The following UPP1 variants were observed in gnomAD, a reference collection of about 807,000 sequenced individuals.
UPP1 encodes the protein UPase 1.
Under a neutral mutation model 29.6 loss-of-function variants are expected in UPP1, and 25 were observed. The ratio of observed to expected loss-of-function variants is 0.85; its 90% CI spans 0.62 to 1.18. The LOEUF (loss-of-function observed/expected upper bound fraction) is 1.18. Ranked by LOEUF, UPP1 falls within the 50% of genes most tolerant of loss-of-function variation. The pLI is 0.00. For missense variants in UPP1, 368 were observed against 410.4 expected (o/e 0.90, Z 0.89); for synonymous variants, 165 against 159.8 (o/e 1.03, Z -0.25).
intron 5 of UPP1, among the ~76,000 whole-genome samples, chr7:48,102,364 C>T (rs1231499603): frequency 6.6e-6 from 1 of 152,168 alleles, no homozygotes; most frequent in East Asian, 1.9e-4. Flanking sequence ...CAGTGAGTTA[C>T]TTCAAAACAC....
chr7:48,088,791 C>G (rs1791649040), upstream of UPP1: 2 of 152,662 alleles, frequency 1.3e-5, no homozygotes, highest in Admixed American at 6.5e-5. Context: ...GCTGTCATTT[C>G]TCTCCGCTGG....
chr7:48,099,601 C>T (rs1028222692), intron 3 of UPP1, 69 bp from the exon 4 acceptor site: 2 of 1,128,920 alleles, frequency 1.8e-6, no homozygotes, highest in East Asian at 4.7e-5. Flanking sequence ...ACATAGGCCA[C>T]TTCTGTGATA....
chr7:48,095,657 T>C (rs1209513479), intron 3 of UPP1, among the ~76,000 whole-genome samples: 2 of 152,146 alleles, frequency 1.3e-5, no homozygotes, highest in African/African-American at 2.4e-5. Context: ...GATTTTTTTT[T>C]TTTGAGATGG....
At chr7:48,094,559 CCT>C (rs2128809459) in intron 2 of UPP1, among the ~76,000 whole-genome samples, 1 of 152,328 alleles carries the variant, frequency 6.6e-6, no homozygotes, top group East Asian at 1.9e-4. Flanking sequence ...TTCAGCACCT[CCT>C]CTCTGAAACT....
intron 6 of UPP1, chr7:48,105,600 A>C (rs1355868750): frequency 1.3e-5 from 2 of 152,354 alleles, no homozygotes; most frequent in East Asian, 3.8e-4. Context: ...GCTTATAAAC[A>C]ATAGGAATTT....
Position 48,101,880 on chromosome 7 carries a change from T to G in UPP1, c.219T>G (p.Gly73=). 6.2e-7 allele frequency: 1 copy of G among 1,614,048 alleles called. No homozygotes were observed. Among genetic ancestry groups the G allele is most frequent in the South Asian group, 1.1e-5 (1 of 91,082 alleles). ...TGAAAGCCTTCATCAGGTGCGTTGG[T>G]GCAGAGCTGGGCCTTGACTGCCCAG... ...SRMKAFIRCV[G]AELGLDCPGR... is the part of the protein sequence containing the mutation. Residue 73 remains glycine (G), a synonymous_variant, in exon 5 of 9, where the codon GGT becomes GGG. Coordinates refer to ENST00000395564, the MANE Select transcript of UPP1 (RefSeq NM_003364.4).
intron 2 of UPP1, among the ~76,000 whole-genome samples, chr7:48,091,382 C>G (rs531518656): frequency 5.3e-5 from 8 of 151,182 alleles, no homozygotes; most frequent in African/African-American, 1.9e-4. Flanking sequence ...GGAGCCAAAT[C>G]CTAAGCCAGG....
chr7:48,107,195 T>C, intron 7 of UPP1, 113 bp downstream of exon 7: 1 of 1,446,542 alleles, frequency 6.9e-7, no homozygotes, highest in Non-Finnish European at 9.5e-7. Flanking sequence ...GCTGTCTCAG[T>C]TACACTTCGC....
chr7:48,106,840 C>T, intron 6 of UPP1, 33 bp from the exon 7 acceptor site: 2 of 1,607,266 alleles, frequency 1.2e-6, no homozygotes, highest in South Asian at 2.2e-5. Context: ...TGTTTTACAC[C>T]CTGCATATCT....
chr7:48,096,756 G>A (rs572929564), intron 3 of UPP1, among the ~76,000 whole-genome samples: 178 of 152,078 alleles, frequency 1.2e-3, no homozygotes, highest in African/African-American at 1.4e-3. Context: ...CTGGAGTGCC[G>A]AGGTGTGATC....
intron 8 of UPP1, 70 bp downstream of exon 8, chr7:48,107,577 G>A: frequency 6.6e-7 from 1 of 1,513,532 alleles, no homozygotes; most frequent in East Asian, 2.3e-5. Flanking sequence ...GCCCCTCGCT[G>A]GGGCCCCTCC....
Position 48,107,526 on chromosome 7 carries a change from G to T in UPP1, c.793+19G>T. ...CTCCAAGGTAAGCGGCACTTGATGG[G>T]CCTCGGCGTCCCCTCCTCCCTTCAC... On this transcript the variant is annotated intron_variant, in intron 8 of 8. Transcript: ENST00000395564. 6.3e-7 allele frequency: 1 copy of T among 1,588,856 alleles called. No homozygotes were observed.
At chr7:48,099,079 G>A (rs1415778602) in intron 3 of UPP1, among the ~76,000 whole-genome samples, 1 of 152,186 alleles carries the variant, frequency 6.6e-6, no homozygotes, top group Non-Finnish European at 1.5e-5. Context: ...GCTGATGCTT[G>A]CTCTAGACCA....
chr7:48,107,163 T>A (rs1326852429), intron 7 of UPP1, 81 bp downstream of exon 7: 4 of 1,532,152 alleles, frequency 2.6e-6, no homozygotes, highest in Non-Finnish European at 3.6e-6. Context: ...CGCTGTGGAC[T>A]GGCGTTTCCA....
chr7:48,094,826 A>G lies in UPP1; in HGVS notation c.43A>G (p.Asn15Asp), dbSNP rs560463323. The G allele has an allele frequency of 3.7e-6, 6 of 1,614,038 alleles. No individual in the cohort carries two copies. Among genetic ancestry groups the G allele is most frequent in the Non-Finnish European group, 4.2e-6 (5 of 1,180,022 alleles). The part of the protein sequence containing the change: ...GANAEKAESH[N>D]DCPVRLLNPN... ...CAATGCAGAGAAAGCTGAAAGTCAC[A>G]AGTAAGGCTCCATTTCATTCCAGGT... The change falls in exon 3 of 9, where the codon AAT (asparagine) becomes GAT (aspartate). Residue 15 changes from asparagine to aspartate, a missense_variant and splice_region_variant. Asn to Asp is a conservative substitution (Grantham distance 23). Coordinates refer to ENST00000395564, the MANE Select transcript of UPP1 (RefSeq NM_003364.4).
chr7:48,103,849 A>G (rs1469273942), intron 6 of UPP1: 1 of 1,289,906 alleles, frequency 7.8e-7, no homozygotes, highest in Non-Finnish European at 1.0e-6. Flanking sequence ...GGCGCAGTAC[A>G]AAACTCAGAT....
intron 6 of UPP1, 109 bp from the exon 7 acceptor site, chr7:48,106,764 G>C (rs1164008413): frequency 1.1e-6 from 1 of 940,484 alleles, no homozygotes; most frequent in Non-Finnish European, 1.7e-6. Flanking sequence ...ATGTGTGGGT[G>C]GATCTGCTTC....
At chr7:48,089,910 C>T (rs1486308801) in intron 1 of UPP1, among the ~76,000 whole-genome samples, 1 of 152,126 alleles carries the variant, frequency 6.6e-6, no homozygotes, top group Non-Finnish European at 1.5e-5. Context: ...ACTTAAGTGA[C>T]GAAGTGATGT....
chr7:48,092,280 C>A (rs1330170075), intron 2 of UPP1, among the ~76,000 whole-genome samples: 1 of 152,160 alleles, frequency 6.6e-6, no homozygotes, highest in Non-Finnish European at 1.5e-5. Flanking sequence ...CAGGACTCTG[C>A]CTGACCCTAA....
Sources: allele counts gnomAD v4.1 joint callset (sites outside exome capture counted in the v4.1 genomes callset), GRCh38; gene constraint gnomAD v4.1.1; transcripts MANE v1.5; gene names NCBI Gene and HGNC (gene_info 2026-07-23, HGNC 2026-07-21).